Variants in OCA2 observed in about 807,000 individuals in gnomAD.
The protein encoded by OCA2 is P protein.
OCA2 carries 77 observed loss-of-function variants against 100.2 expected under a neutral mutation model. The ratio of observed to expected loss-of-function variants is 0.77; its 90% confidence interval spans 0.64 to 0.93. The LOEUF (loss-of-function observed/expected upper bound fraction) is 0.93. Ranked by LOEUF, OCA2 falls within the 40% of genes least tolerant of loss-of-function variation. The pLI is 0.00. For missense variants in OCA2, 1,062 were observed against 1,089.1 expected (o/e 0.98, Z 0.35); for synonymous variants, 432 against 439.2 (o/e 0.98, Z 0.21).
chr15:27,896,846 G>A (rs1055499789), intron 19 of OCA2, among the ~76,000 whole-genome samples: 9 of 152,178 alleles, frequency 5.9e-5, no homozygotes, highest in Non-Finnish European at 1.2e-4. Context: ...ATGAGAAGCC[G>A]AATGTTAATT....
intron 13 of OCA2, 37 bp downstream of exon 13, chr15:27,985,027 C>G: frequency 6.2e-7 from 1 of 1,612,858 alleles, no homozygotes; most frequent in South Asian, 1.1e-5. Context: ...CTGCCAGAAC[C>G]TGGCCGCAAC....
intron 19 of OCA2, among the ~76,000 whole-genome samples, chr15:27,893,094 C>G (rs1203556272): frequency 6.6e-6 from 1 of 152,190 alleles, no homozygotes; most frequent in Non-Finnish European, 1.5e-5. Context: ...AGATTCCAGA[C>G]TCCTGGTTTT....
chr15:27,893,704 A>C (rs2037562836), intron 19 of OCA2, among the ~76,000 whole-genome samples: 1 of 151,998 alleles, frequency 6.6e-6, no homozygotes, highest in Non-Finnish European at 1.5e-5. Flanking sequence ...GAAAAACTCC[A>C]CCCTGGTAAA....
intron 23 of OCA2, among the ~76,000 whole-genome samples, chr15:27,805,767 G>GC (rs995580738): frequency 5.3e-5 from 8 of 152,114 alleles, no homozygotes; most frequent in African/African-American, 1.9e-4. Context: ...GACCCTCCGC[G>GC]CCCCCCACAT....
chr15:27,905,496 C>T (rs2594908), intron 19 of OCA2, among the ~76,000 whole-genome samples: 1 of 152,018 alleles, frequency 6.6e-6, no homozygotes, highest in South Asian at 2.1e-4. Flanking sequence ...TCCACCAGAA[C>T]GGGCCAGGGG....
chr15:27,826,281 G>A (rs2034718537), intron 23 of OCA2, among the ~76,000 whole-genome samples: 2 of 152,152 alleles, frequency 1.3e-5, no homozygotes, highest in African/African-American at 2.4e-5. Flanking sequence ...TTCCATGCCT[G>A]TAACAGTATT....
rs374578342 is a variant in OCA2 at position 27,851,414 on chromosome 15, A to G, written c.2306T>C (p.Met769Thr). Residue 769 changes from methionine to threonine, a missense_variant, in exon 22 of 24, where the codon ATG (methionine) becomes ACG (threonine). Coordinates refer to ENST00000354638, the MANE Select transcript of OCA2 (RefSeq NM_000275.3). ...GCAAGCACCGAAGGCCAGGGCATAC[A>G]TGAGCGGCGGTGCGGGCAGGCCAAC... ...PEVGLPAPPL[M>T]YALAFGACLG... The G allele has an allele frequency of 7.9e-5, 128 of 1,613,916 alleles. No individual in the cohort carries two copies. The highest frequency in any genetic ancestry group is 1.0e-4 in the Non-Finnish European group (123 of 1,180,016).
At chr15:27,951,959 C>T (rs2040045520) in intron 17 of OCA2, 67 bp from the exon 18 acceptor site, 2 of 1,074,752 alleles carry the variant, frequency 1.9e-6, no homozygotes, top group Non-Finnish European at 1.4e-6. Context: ...GTGTCATAAC[C>T]TACGCAACTG....
intron 19 of OCA2, among the ~76,000 whole-genome samples, chr15:27,878,635 A>G (rs1244317021): frequency 6.6e-6 from 1 of 151,892 alleles, no homozygotes; most frequent in African/African-American, 2.4e-5. Context: ...TTTTTGAGAC[A>G]TTTTCCTTAT....
At chr15:27,973,370 T>C (rs1298662427) in intron 14 of OCA2, among the ~76,000 whole-genome samples, 2 of 152,164 alleles carry the variant, frequency 1.3e-5, no homozygotes, top group African/African-American at 2.4e-5. Flanking sequence ...TCGTGAGAGA[T>C]AGGGATCCAG....
rs776632832 is a variant in OCA2 at position 27,955,226 on chromosome 15, AAAG to A, written c.1785-14_1785-12del. The A allele has an allele frequency of 4.4e-6, 7 of 1,599,498 alleles. No individual in the cohort carries two copies. In the African/African-American group the frequency reaches 9.4e-5, roughly 21 times the overall value. ...TCCTGTGAGATCTGTCTAAAAGAGA[AAAG>A]AAGAGACTCATTACTTCCCTGGTCA... On this transcript the variant is annotated splice_polypyrimidine_tract_variant and intron_variant, in intron 16 of 23. Coordinates refer to ENST00000354638, the MANE Select transcript of OCA2 (RefSeq NM_000275.3).
At chr15:27,839,087 T>C (rs2035255408) in intron 23 of OCA2, among the ~76,000 whole-genome samples, 1 of 152,148 alleles carries the variant, frequency 6.6e-6, no homozygotes. Flanking sequence ...AGAAAAGTAC[T>C]GTAGAATAAA....
intron 9 of OCA2, among the ~76,000 whole-genome samples, chr15:28,000,310 G>A (rs894756610): frequency 3.3e-5 from 5 of 152,128 alleles, no homozygotes; most frequent in African/African-American, 1.2e-4. Flanking sequence ...ATAAACCCAT[G>A]CATGTTACAG....
At position 28,074,266 on chromosome 15, in the gene OCA2, C is replaced by T. The variant is rs138627567; in HGVS notation, c.227+7382G>A. Among the ~76,000 whole-genome samples the T allele has an allele frequency of 4.5e-3, 688 of 152,240 alleles. 1 individual carries two copies. Among genetic ancestry groups the T allele is most frequent in the Non-Finnish European group, 6.9e-3 (468 of 68,016 alleles). On this transcript the variant is annotated intron_variant, in intron 2 of 23. Coordinates refer to ENST00000354638, the MANE Select transcript of OCA2 (RefSeq NM_000275.3). The stretch of plus-strand genomic sequence containing the variant: ...AATAGAGATTTCAGGGGGCCAGGCA[C>T]GGTAGCTCACGCCTGTAATCCCAGC...
intron 21 of OCA2, among the ~76,000 whole-genome samples, chr15:27,863,032 C>A (rs2036193835): frequency 6.6e-6 from 1 of 152,176 alleles, no homozygotes; most frequent in Non-Finnish European, 1.5e-5. Context: ...GACTCAGGGG[C>A]CTGGGAAGCT....
intron 19 of OCA2, among the ~76,000 whole-genome samples, chr15:27,885,514 T>C (rs2037186736): frequency 6.6e-6 from 1 of 152,196 alleles, no homozygotes; most frequent in South Asian, 2.1e-4. Context: ...ATAACAAAGT[T>C]ATCTTTTTCT....
At chr15:28,008,202 T>C (rs1436484001) in intron 9 of OCA2, among the ~76,000 whole-genome samples, 1 of 152,154 alleles carries the variant, frequency 6.6e-6, no homozygotes, top group Non-Finnish European at 1.5e-5. Flanking sequence ...AAAGACTTCC[T>C]CCCCATCTCA....
At chr15:27,980,711 T>C (rs1469711786) in intron 14 of OCA2, among the ~76,000 whole-genome samples, 2 of 152,236 alleles carry the variant, frequency 1.3e-5, no homozygotes. Flanking sequence ...CTCCGTTGCC[T>C]TCACACGTGC....
Position 28,024,848 on chromosome 15 carries a change from A to G in OCA2, c.570T>C (p.Cys190=). The change falls in exon 5 of 24, where the codon TGT becomes TGC. Residue 190 remains cysteine, a synonymous_variant. Transcript: ENST00000354638. ...VMGLFAFVVL[C]SILFSLYPDQ... is the part of the protein sequence containing the mutation. ...CTGGGGCAGCTAAGGTACTCACAGA[A>G]CACAGCACCACAAAGGCAAACAGGC... The G allele has an allele frequency of 6.2e-7, 1 of 1,614,220 alleles. No individual in the cohort carries two copies. The highest frequency in any genetic ancestry group is 1.3e-5 in the African/African-American group (1 of 75,062).
Sources: gnomAD v4.1 joint callset for allele counts (sites outside exome capture counted in the v4.1 genomes callset) on GRCh38, gnomAD v4.1.1 for gene constraint, MANE v1.5 for transcripts, NCBI Gene and HGNC (gene_info 2026-07-23, HGNC 2026-07-21) for gene names.